Variants in INPP4B observed in about 807,000 individuals in gnomAD.
INPP4B encodes inositol polyphosphate-4-phosphatase type II B.
In INPP4B, 55 loss-of-function variants were observed where a neutral mutation model predicts 122.5. That is an observed-to-expected ratio of 0.45 (90% CI 0.36 to 0.56). The LOEUF (loss-of-function observed/expected upper bound fraction) is 0.56, where lower values mean the gene tolerates loss of function less well. INPP4B is among the 20% of genes least tolerant of loss of function. INPP4B has a pLI of 0.00. For missense variants in INPP4B, 1,000 were observed against 1,097.7 expected, an observed-to-expected ratio of 0.91 and a Z score of 1.26; for synonymous variants, 403 against 388.7, an observed-to-expected ratio of 1.04 and a Z score of -0.43.
intron 17 of INPP4B, among the ~76,000 whole-genome samples, chr4:142,151,321 A>T (rs1472416696): frequency 6.6e-6 from 1 of 152,114 alleles, no homozygotes; most frequent in African/African-American, 2.4e-5. Flanking sequence ...ATCAACACAC[A>T]CACACATTCA....
At chr4:142,836,932 G>A (rs1016778891) in intron 1 of INPP4B, among the ~76,000 whole-genome samples, 4 of 151,884 alleles carry the variant, frequency 2.6e-5, no homozygotes, top group African/African-American at 7.3e-5. Flanking sequence ...TTGGGAGGCC[G>A]AGGCGGGTGG....
chr4:142,649,521 A>T (rs1460758450), intron 2 of INPP4B, among the ~76,000 whole-genome samples: 1 of 151,952 alleles, frequency 6.6e-6, no homozygotes, highest in Non-Finnish European at 1.5e-5. Flanking sequence ...TGTAGAGAAG[A>T]CCTTAAATGG....
chr4:142,333,001 A>G (rs1579763745), intron 7 of INPP4B, among the ~76,000 whole-genome samples: 1 of 121,422 alleles, frequency 8.2e-6, no homozygotes, highest in Non-Finnish European at 1.6e-5. Flanking sequence ...ACAGAGCAAG[A>G]CTCCGTCTCA....
intron 10 of INPP4B, among the ~76,000 whole-genome samples, chr4:142,265,970 T>C (rs986575580): frequency 1.3e-5 from 2 of 152,190 alleles, no homozygotes; most frequent in African/African-American, 2.4e-5. Context: ...GGGCTAGTTT[T>C]GAGGAAAGTG....
At chr4:142,743,876 G>GT (rs1288885363) in intron 1 of INPP4B, among the ~76,000 whole-genome samples, 1 of 151,614 alleles carries the variant, frequency 6.6e-6, no homozygotes, top group Non-Finnish European at 1.5e-5. Flanking sequence ...TCTACTAAAC[G>GT]TTTTTACCAT....
intron 25 of INPP4B, among the ~76,000 whole-genome samples, chr4:142,076,309 C>T (rs1184144727): frequency 1.3e-5 from 2 of 151,882 alleles, no homozygotes; most frequent in African/African-American, 4.8e-5. Context: ...TTTGATTTTC[C>T]CAGAAAGATC....
At chr4:142,327,470 A>G (rs1393987738) in intron 7 of INPP4B, among the ~76,000 whole-genome samples, 2 of 151,704 alleles carry the variant, frequency 1.3e-5, no homozygotes, top group Non-Finnish European at 2.9e-5. Context: ...ATGGGCATGG[A>G]GTGGAGGGGC....
rs1347585889 is a variant in INPP4B at position 142,025,953 on chromosome 4, A to C, written c.*2829T>G. The C allele has an allele frequency of 6.6e-6, 1 of 152,198 alleles. No homozygotes were observed. Among genetic ancestry groups the C allele is most frequent in the African/African-American group, 2.4e-5 (1 of 41,450 alleles). 9.4% of individuals were successfully genotyped at this position (152,198 alleles called of 1,614,324 possible). A position where few individuals can be genotyped will look rare whatever the true frequency, so the allele number is the denominator to read the frequency against. ...GCAAAAAGCAATGATATGAGATGTA[A>C]ATGAATGGTTTCCTTGTCTTTAAAT... On this transcript the variant is annotated 3_prime_UTR_variant, in exon 26 of 26. Transcript: ENST00000262992.
intron 7 of INPP4B, among the ~76,000 whole-genome samples, chr4:142,334,510 A>C (rs1296828317): frequency 2.6e-5 from 4 of 152,038 alleles, no homozygotes; most frequent in African/African-American, 9.7e-5. Context: ...TCTATTTTTA[A>C]ATTTTTGAGG....
At chr4:142,369,095 T>C (rs1168825571) in intron 7 of INPP4B, among the ~76,000 whole-genome samples, 1 of 151,974 alleles carries the variant, frequency 6.6e-6, no homozygotes, top group Non-Finnish European at 1.5e-5. Context: ...ACATTAGAAT[T>C]TGTTAGCTCT....
intron 2 of INPP4B, among the ~76,000 whole-genome samples, chr4:142,676,864 G>C (rs766358545): frequency 6.6e-6 from 1 of 151,576 alleles, no homozygotes; most frequent in African/African-American, 2.4e-5. Flanking sequence ...AGACTTAAAC[G>C]TAAGACCTAA....
intron 2 of INPP4B, among the ~76,000 whole-genome samples, chr4:142,629,733 T>G (rs530297460): frequency 3.3e-5 from 5 of 152,098 alleles, no homozygotes; most frequent in Non-Finnish European, 7.4e-5. Flanking sequence ...AAATACAATG[T>G]TGGAAGCAGG....
intron 7 of INPP4B, among the ~76,000 whole-genome samples, chr4:142,393,471 G>A (rs1054963758): frequency 1.3e-5 from 2 of 152,180 alleles, no homozygotes; most frequent in African/African-American, 4.8e-5. Context: ...TCCCACCTTT[G>A]CAAAACTCAC....
chr4:142,287,267 G>C (rs1754169481), intron 9 of INPP4B: 1 of 152,218 alleles, frequency 6.6e-6, no homozygotes, highest in African/African-American at 2.4e-5. Context: ...TACCTTGAGG[G>C]ATAGACAAGC....
intron 25 of INPP4B, chr4:142,030,422 C>G: frequency 2.4e-6 from 2 of 830,254 alleles, no homozygotes; most frequent in Non-Finnish European, 3.6e-6. Context: ...ACAACTCTTT[C>G]AGATGAAATC....
intron 7 of INPP4B, among the ~76,000 whole-genome samples, chr4:142,361,199 G>A (rs1785270784): frequency 6.6e-6 from 1 of 151,822 alleles, no homozygotes; most frequent in African/African-American, 2.4e-5. Context: ...TCATTTAGAA[G>A]TACAAATAGG....
At chr4:142,360,816 A>G (rs1289242163) in intron 7 of INPP4B, among the ~76,000 whole-genome samples, 1 of 151,974 alleles carries the variant, frequency 6.6e-6, no homozygotes, top group African/African-American at 2.4e-5. Context: ...AGGTGGAAAA[A>G]GTAGATTCTA....
chr4:142,811,873 A>G (rs1234405464), intron 1 of INPP4B, among the ~76,000 whole-genome samples: 1 of 152,230 alleles, frequency 6.6e-6, no homozygotes, highest in African/African-American at 2.4e-5. Context: ...CTGCTAGCAC[A>G]TAGTAGTTCT....
intron 1 of INPP4B, among the ~76,000 whole-genome samples, chr4:142,739,261 A>G (rs1291705422): frequency 1.3e-5 from 2 of 152,110 alleles, no homozygotes; most frequent in Non-Finnish European, 2.9e-5. Context: ...GATAGAAATT[A>G]TGAAATTTCT....
Sources: gnomAD v4.1 joint callset for allele counts (sites outside exome capture counted in the v4.1 genomes callset) on GRCh38, gnomAD v4.1.1 for gene constraint, MANE v1.5 for transcripts, NCBI Gene and HGNC (gene_info 2026-07-23, HGNC 2026-07-21) for gene names.